The following CD2AP variants were observed in gnomAD, a reference collection of about 807,000 sequenced individuals.
CD2AP encodes the protein CD2 associated protein.
Under a neutral mutation model 85.1 loss-of-function variants are expected in CD2AP, and 46 were observed. The observed-to-expected ratio is 0.54, with a 90% CI of 0.43 to 0.69. The LOEUF (loss-of-function observed/expected upper bound fraction) is 0.69, where lower values mean the gene tolerates loss of function less well. Among genes scored for constraint, CD2AP ranks in the 30% least tolerant of loss-of-function variants. CD2AP has a pLI of 0.00. For synonymous variants in CD2AP, 255 were observed against 252.9 expected (o/e 1.01, Z -0.08); for missense variants, 769 against 729.5 (o/e 1.05, Z -0.62).
intron 5 of CD2AP, among the ~76,000 whole-genome samples, chr6:47,564,646 C>G (rs537438086): frequency 6.6e-6 from 1 of 151,706 alleles, no homozygotes; most frequent in Non-Finnish European, 1.5e-5. Flanking sequence ...TTTTCTTTCC[C>G]CAACTCTAAA....
At chr6:47,583,051 G>A (rs781009773) in intron 11 of CD2AP, among the ~76,000 whole-genome samples, 76 of 152,098 alleles carry the variant, frequency 5.0e-4, no homozygotes, top group Non-Finnish European at 9.3e-4. Flanking sequence ...CCAAAGTGCT[G>A]GGATTACAGG....
chr6:47,564,143 A>G (rs1391811111), intron 5 of CD2AP, among the ~76,000 whole-genome samples: 1 of 152,194 alleles, frequency 6.6e-6, no homozygotes, highest in Non-Finnish European at 1.5e-5. Context: ...AAAAACCATT[A>G]GAGAACATAC....
intron 5 of CD2AP, among the ~76,000 whole-genome samples, chr6:47,555,077 C>T (rs556460802): frequency 6.6e-6 from 1 of 152,176 alleles, no homozygotes; most frequent in Non-Finnish European, 1.5e-5. Context: ...CATTTTTGGT[C>T]TGCTGAGTTT....
chr6:47,493,584 G>A (rs376827559), intron 1 of CD2AP, among the ~76,000 whole-genome samples: 7 of 151,696 alleles, frequency 4.6e-5, no homozygotes, highest in Admixed American at 2.6e-4. Context: ...TTAGTTTTCC[G>A]GATGTGTGGT....
At chr6:47,587,023 A>C (rs1226697941) in intron 11 of CD2AP, among the ~76,000 whole-genome samples, 2 of 152,202 alleles carry the variant, frequency 1.3e-5, no homozygotes, top group Non-Finnish European at 2.9e-5. Context: ...GTGTTTTGCC[A>C]GTGACCTTTG....
Position 47,609,300 on chromosome 6 carries a change from C to T in CD2AP, c.1810C>T (p.His604Tyr). Residue 604 changes from histidine to tyrosine, a missense_variant, in exon 16 of 18, where the codon CAC (histidine) becomes TAC (tyrosine). Transcript: ENST00000359314. ...LCIVEALKKD[H>Y]GKELEKLRKD... ...CATTGTAGAAGCACTGAAAAAGGAT[C>T]ACGGGTAAGTAGCCCTTCTTTTCTC... is the stretch of plus-strand genomic sequence containing the variant. The T allele has an allele frequency of 6.2e-7, 1 of 1,611,540 alleles. No individual in the cohort carries two copies. Among genetic ancestry groups the T allele is most frequent in the East Asian group, 2.2e-5 (1 of 44,836 alleles).
At chr6:47,623,487 C>T (rs1769818500) in intron 17 of CD2AP, among the ~76,000 whole-genome samples, 1 of 152,122 alleles carries the variant, frequency 6.6e-6, no homozygotes, top group Non-Finnish European at 1.5e-5. Context: ...CATTGGCATC[C>T]TGTTTAATGT....
At chr6:47,608,092 G>C in intron 15 of CD2AP, 64 bp downstream of exon 15, 1 of 1,065,748 alleles carries the variant, frequency 9.4e-7, no homozygotes. Context: ...ATCAAACATA[G>C]GGAATTTAAG....
In CD2AP at chr6:47,626,960, C is replaced by T. The variant is rs1198936064; in HGVS notation, c.*2733C>T. On this transcript the variant is annotated 3_prime_UTR_variant, in exon 18 of 18. Transcript: ENST00000359314. ...AATATTTTTGGCTATAAAATTTTAC[C>T]CTGACTTGCTTTCAATAACTGTTAC... The T allele has an allele frequency of 1.3e-5, 2 of 151,902 alleles. No homozygotes were observed. The highest frequency in any genetic ancestry group is 3.0e-5 in the Non-Finnish European group (2 of 67,786). The allele number at this position is 151,902 out of a possible 1,614,324, so 9.4% of individuals were successfully genotyped here. A position where few individuals can be genotyped will look rare whatever the true frequency, so the allele number is the denominator to read the frequency against.
chr6:47,580,662 A>G (rs1259428404), intron 9 of CD2AP, among the ~76,000 whole-genome samples: 2 of 152,200 alleles, frequency 1.3e-5, no homozygotes, highest in Non-Finnish European at 2.9e-5. Flanking sequence ...ATTTTGACCA[A>G]TGAGGCTGTT....
intron 1 of CD2AP, among the ~76,000 whole-genome samples, chr6:47,488,276 A>G (rs1380596896): frequency 1.3e-5 from 2 of 152,120 alleles, no homozygotes; most frequent in Non-Finnish European, 2.9e-5. Context: ...TAGCTTAAAG[A>G]GTTTGTTCAA....
At chr6:47,487,671 C>T (rs981562106) in intron 1 of CD2AP, among the ~76,000 whole-genome samples, 1 of 151,528 alleles carries the variant, frequency 6.6e-6, no homozygotes, top group South Asian at 2.1e-4. Context: ...GCCTGGGTGA[C>T]AGAGCGAGAC....
At chr6:47,562,809 G>C in intron 5 of CD2AP, 1 of 1,156,406 alleles carries the variant, frequency 8.6e-7, no homozygotes, top group Admixed American at 1.7e-5. Context: ...TGTATGTCAA[G>C]TTGGTGGAGG....
intron 11 of CD2AP, among the ~76,000 whole-genome samples, chr6:47,586,180 T>C (rs1768625519): frequency 6.6e-6 from 1 of 151,966 alleles, no homozygotes; most frequent in Admixed American, 6.6e-5. Flanking sequence ...TTTAAAAAGG[T>C]AGAAGAAAAT....
intron 16 of CD2AP, among the ~76,000 whole-genome samples, chr6:47,610,117 A>G (rs1397338011): frequency 6.6e-6 from 1 of 152,114 alleles, no homozygotes; most frequent in Non-Finnish European, 1.5e-5. Flanking sequence ...AGCTAAAACA[A>G]ATTTACAAGA....
chr6:47,557,852 A>G (rs916517341), intron 5 of CD2AP, among the ~76,000 whole-genome samples: 24 of 152,154 alleles, frequency 1.6e-4, no homozygotes, highest in African/African-American at 4.8e-4. Flanking sequence ...TTTTTTTCTA[A>G]TTCTGTGAAG....
Position 47,508,544 on chromosome 6 carries a change from T to TG in CD2AP, c.165+5104_165+5105insG, listed in dbSNP as rs1193570262. Among the ~76,000 whole-genome samples the TG allele has an allele frequency of 4.3e-3, 301 of 69,974 alleles. 1 individual carries two copies. Among genetic ancestry groups the TG allele is most frequent in the African/African-American group, 0.016 (246 of 15,446 alleles). The allele number at this position is 69,974 out of a possible 152,430, so 45.9% of individuals were successfully genotyped here. On this transcript the variant is annotated intron_variant, in intron 2 of 17. Transcript: ENST00000359314. ...AAACTTTCTTTCTTTCTTTTTTTTT[T>TG]TGTTTTTTTTTTTTTTTTTGGGACG...
intron 2 of CD2AP, among the ~76,000 whole-genome samples, chr6:47,505,011 CTTT>C (rs58060161): frequency 0.26 from 24,708 of 93,766 alleles, 1,679 homozygotes; most frequent in Middle Eastern, 0.37. Context: ...GTGGCAGTTT[CTTT>C]TTTTTTTTTT....
intron 8 of CD2AP, among the ~76,000 whole-genome samples, chr6:47,579,002 T>TA (rs1413814924): frequency 1.3e-5 from 2 of 152,202 alleles, no homozygotes; most frequent in Non-Finnish European, 2.9e-5. Context: ...TTTAACGTTA[T>TA]AAATGGAATT....
Sources: gnomAD v4.1 joint callset for allele counts (sites outside exome capture counted in the v4.1 genomes callset) on GRCh38, gnomAD v4.1.1 for gene constraint, MANE v1.5 for transcripts, NCBI Gene and HGNC (gene_info 2026-07-23, HGNC 2026-07-21) for gene names.